TRIM24: variants seen among roughly 807,000 people sequenced by gnomAD.
The protein encoded by TRIM24 is transcription intermediary factor 1-alpha.
A neutral mutation model predicts 123.9 loss-of-function variants in TRIM24; 29 were observed. That is an observed-to-expected ratio of 0.23 (90% CI 0.17 to 0.32). The LOEUF is 0.32. Among genes scored for constraint, TRIM24 ranks in the 10% least tolerant of loss-of-function variants. The pLI, the probability that TRIM24 is intolerant of heterozygous loss-of-function variation, is 1.00. For missense variants in TRIM24, 932 were observed against 1,295.3 expected (o/e 0.72, Z 4.31); for synonymous variants, 456 against 461.1 (o/e 0.99, Z 0.14).
chr7:138,570,279 C>T (rs943605669), intron 10 of TRIM24, among the ~76,000 whole-genome samples: 18 of 152,048 alleles, frequency 1.2e-4, no homozygotes, highest in Non-Finnish European at 2.4e-4. Flanking sequence ...TGAGTAAATT[C>T]CAGACAGCAG....
intron 9 of TRIM24, among the ~76,000 whole-genome samples, chr7:138,557,701 A>G (rs1797343429): frequency 1.3e-5 from 2 of 152,142 alleles, no homozygotes; most frequent in Admixed American, 6.5e-5. Context: ...GTTACATTGA[A>G]CTTTCTGCAT....
At chr7:138,563,768 G>T (rs766820941) in intron 9 of TRIM24, among the ~76,000 whole-genome samples, 1 of 152,182 alleles carries the variant, frequency 6.6e-6, no homozygotes, top group Non-Finnish European at 1.5e-5. Flanking sequence ...GCTCTCATCA[G>T]CTCCTTGAAG....
intron 2 of TRIM24, chr7:138,514,858 CT>C (rs1310370579): frequency 5.9e-6 from 1 of 170,044 alleles, no homozygotes; most frequent in Non-Finnish European, 1.3e-5. Context: ...AGTGAGGGAA[CT>C]GGGATTTTAA....
intron 9 of TRIM24, among the ~76,000 whole-genome samples, chr7:138,564,614 G>C (rs916547118): frequency 6.6e-6 from 1 of 152,230 alleles, no homozygotes; most frequent in Non-Finnish European, 1.5e-5. Flanking sequence ...TGCAGGTCAA[G>C]TTTGAACTAC....
chr7:138,500,753 G>A (rs1482295829), intron 1 of TRIM24, among the ~76,000 whole-genome samples: 1 of 151,578 alleles, frequency 6.6e-6, no homozygotes, highest in Non-Finnish European at 1.5e-5. Flanking sequence ...TGCAGTTTTG[G>A]CAATTTTGTT....
chr7:138,581,333 A>G (rs1227439977), intron 16 of TRIM24, among the ~76,000 whole-genome samples: 2 of 152,206 alleles, frequency 1.3e-5, no homozygotes, highest in African/African-American at 4.8e-5. Context: ...CGGCATGCAG[A>G]AAGGTGCCTT....
At chr7:138,581,895 A>G (rs923673266) in intron 17 of TRIM24, 124 bp downstream of exon 17, 21 of 699,298 alleles carry the variant, frequency 3.0e-5, no homozygotes, top group Admixed American at 2.7e-4. Flanking sequence ...AATCTTAATA[A>G]TACATACTGA....
At chr7:138,501,299 G>A (rs775466197) in intron 1 of TRIM24, among the ~76,000 whole-genome samples, 2 of 151,816 alleles carry the variant, frequency 1.3e-5, no homozygotes, top group African/African-American at 2.4e-5. Flanking sequence ...GCACGATCTC[G>A]GCTCATTGCA....
chr7:138,577,628 G>A, intron 14 of TRIM24, 40 bp downstream of exon 14: 1 of 1,467,434 alleles, frequency 6.8e-7, no homozygotes, highest in Non-Finnish European at 9.1e-7. Context: ...TATGCATGGT[G>A]GGTAGGGTGA....
intron 1 of TRIM24, among the ~76,000 whole-genome samples, chr7:138,467,712 C>T (rs1795177943): frequency 6.6e-6 from 1 of 152,092 alleles, no homozygotes; most frequent in African/African-American, 2.4e-5. Context: ...TCGGCACTGT[C>T]TTGTGGTTTT....
chr7:138,551,320 A>C, intron 8 of TRIM24, 140 bp downstream of exon 8: 27 of 749,186 alleles, frequency 3.6e-5, no homozygotes, highest in Non-Finnish European at 5.5e-5. Flanking sequence ...GGGATCTCTC[A>C]AGGATCACTT....
At chr7:138,558,099 T>C (rs1447612774) in intron 9 of TRIM24, among the ~76,000 whole-genome samples, 1 of 152,152 alleles carries the variant, frequency 6.6e-6, no homozygotes, top group Admixed American at 6.5e-5. Context: ...TACACAGGCC[T>C]CTGGCAGCTG....
chr7:138,469,040 T>C (rs1285049921), intron 1 of TRIM24, among the ~76,000 whole-genome samples: 1 of 152,192 alleles, frequency 6.6e-6, no homozygotes, highest in Non-Finnish European at 1.5e-5. Context: ...CTTTTGTCCA[T>C]TGTCTGAAAA....
intron 2 of TRIM24, 54 bp downstream of exon 2, chr7:138,504,462 T>C: frequency 1.7e-6 from 2 of 1,190,368 alleles, no homozygotes; most frequent in Non-Finnish European, 2.3e-6. Context: ...TTTTTTTTTT[T>C]TTTTTTTTTT....
At position 138,502,367 on chromosome 7, in the gene TRIM24, G is replaced by A. The variant is rs1180753272; in HGVS notation, c.365-1923G>A. 2.0e-5 allele frequency among the ~76,000 whole-genome samples: 3 copies of A among 152,212 alleles called. No homozygotes were observed. In the East Asian group the frequency reaches 5.8e-4, roughly 29 times the overall value. ...TATTGAGCACACTAACTAGAACACA[G>A]CAAGTTCTCAATAGGTTAAGTATCA... On this transcript the variant is annotated intron_variant, in intron 1 of 18. Transcript: ENST00000343526.
At chr7:138,510,349 C>G (rs1007404040) in intron 2 of TRIM24, among the ~76,000 whole-genome samples, 8 of 152,152 alleles carry the variant, frequency 5.3e-5, no homozygotes, top group African/African-American at 1.7e-4. Context: ...GCAAGAAAGA[C>G]AGCAGTTATA....
chr7:138,558,968 T>C (rs1410690728), intron 9 of TRIM24, among the ~76,000 whole-genome samples: 1 of 152,150 alleles, frequency 6.6e-6, no homozygotes, highest in Non-Finnish European at 1.5e-5. Flanking sequence ...TAGTGCCCTG[T>C]GGGGCCAATG....
Position 138,500,865 on chromosome 7 carries a change from C to T in TRIM24, c.365-3425C>T, listed in dbSNP as rs78659357. On this transcript the variant is annotated intron_variant, in intron 1 of 18. Coordinates refer to ENST00000343526, the MANE Select transcript of TRIM24 (RefSeq NM_015905.3). ...CTGTTGCTCCTAGGCTACAAATCTGCACAGCATGTTACTGTACTAAATACT... is the reference window on the plus strand; with the variant it reads ...CTGTTGCTCCTAGGCTACAAATCTGTACAGCATGTTACTGTACTAAATACT... Among the ~76,000 whole-genome samples the T allele has an allele frequency of 3.9e-5, 6 of 152,076 alleles. No individual in the cohort carries two copies. In the East Asian group the frequency reaches 1.2e-3, roughly 29 times the overall value.
In TRIM24 at chr7:138,589,944, T is replaced by C. The variant is rs1375404787; in HGVS notation, c.*4993T>C. The stretch of plus-strand genomic sequence containing the variant: ...CTAATTTGAGTCCTAAAAAAATCTT[T>C]CCTTGTTAGTTGCAAGTTAAACATT... On this transcript the variant is annotated 3_prime_UTR_variant, in exon 19 of 19. Coordinates refer to ENST00000343526, the MANE Select transcript of TRIM24 (RefSeq NM_015905.3). 4 of 152,238 alleles carry C rather than the reference T, an allele frequency of 2.6e-5. No individual in the cohort carries two copies. The highest frequency in any genetic ancestry group is 4.4e-5 in the Non-Finnish European group (3 of 68,048). 9.4% of individuals were successfully genotyped at this position (152,238 alleles called of 1,614,324 possible).
Sources: allele counts gnomAD v4.1 joint callset (sites outside exome capture counted in the v4.1 genomes callset), GRCh38; gene constraint gnomAD v4.1.1; transcripts MANE v1.5; gene names NCBI Gene and HGNC (gene_info 2026-07-23, HGNC 2026-07-21).